PCDH9: variants seen among roughly 807,000 people sequenced by gnomAD.
PCDH9 encodes the protein protocadherin 9, also known as protocadherin-9.
In PCDH9, 24 loss-of-function variants were observed where a neutral mutation model predicts 70.6. That is an observed-to-expected ratio of 0.34 (90% confidence interval 0.25 to 0.48). The LOEUF is 0.48. PCDH9 is among the 20% of genes least tolerant of loss of function. The pLI, the probability that PCDH9 is intolerant of heterozygous loss-of-function variation, is 0.99. For missense variants in PCDH9, 1,281 were observed against 1,503.6 expected (o/e 0.85, Z 2.45); for synonymous variants, 562 against 558.5 (o/e 1.01, Z -0.09).
chr13:66,849,770 T>C (rs996083236), intron 3 of PCDH9, among the ~76,000 whole-genome samples: 2 of 152,104 alleles, frequency 1.3e-5, no homozygotes, highest in Admixed American at 6.5e-5. Context: ...AAGTCTCTGG[T>C]AATATAAGGA....
chr13:66,566,086 G>A (rs548927184), intron 4 of PCDH9, among the ~76,000 whole-genome samples: 48 of 152,262 alleles, frequency 3.2e-4, no homozygotes, highest in Non-Finnish European at 5.7e-4. Flanking sequence ...GGTGAAGCTA[G>A]GCCTGAGAGA....
chr13:66,724,662 T>G (rs1382643580), intron 3 of PCDH9, among the ~76,000 whole-genome samples: 1 of 152,094 alleles, frequency 6.6e-6, no homozygotes, highest in African/African-American at 2.4e-5. Context: ...CTCCCATCCC[T>G]CACCTTTCCA....
chr13:66,373,186 G>A (rs1956689065), intron 4 of PCDH9, among the ~76,000 whole-genome samples: 1 of 151,858 alleles, frequency 6.6e-6, no homozygotes, highest in Non-Finnish European at 1.5e-5. Context: ...ACACAAACCA[G>A]ATGAATAAAC....
chr13:66,439,883 A>G (rs141187931), intron 4 of PCDH9, among the ~76,000 whole-genome samples: 106 of 152,246 alleles, frequency 7.0e-4, no homozygotes, highest in African/African-American at 2.5e-3. Context: ...AGAGGAGTTA[A>G]TAAAGGGTTA....
intron 3 of PCDH9, among the ~76,000 whole-genome samples, chr13:66,674,110 C>A (rs1245322303): frequency 6.6e-6 from 1 of 151,898 alleles, no homozygotes; most frequent in East Asian, 1.9e-4. Context: ...GAATCTCCTT[C>A]AAATATCAGA....
intron 3 of PCDH9, among the ~76,000 whole-genome samples, chr13:66,777,642 A>C (rs1453232936): frequency 2.0e-5 from 3 of 152,160 alleles, no homozygotes; most frequent in Admixed American, 1.3e-4. Context: ...CAGGTGCTGG[A>C]GAGGATGTGG....
chr13:66,865,737 G>A (rs2081562629), intron 3 of PCDH9, among the ~76,000 whole-genome samples: 1 of 152,186 alleles, frequency 6.6e-6, no homozygotes, highest in Non-Finnish European at 1.5e-5. Flanking sequence ...TTCCAGTGTG[G>A]TAGAGATCAT....
chr13:66,626,399 G>A (rs988279116), intron 4 of PCDH9, among the ~76,000 whole-genome samples: 1 of 152,118 alleles, frequency 6.6e-6, no homozygotes, highest in African/African-American at 2.4e-5. Context: ...TAAACTCACT[G>A]AAACCTATTT....
chr13:66,392,021 A>T (rs946725784), intron 4 of PCDH9, among the ~76,000 whole-genome samples: 1 of 151,682 alleles, frequency 6.6e-6, no homozygotes, highest in Non-Finnish European at 1.5e-5. Context: ...ATACACACTC[A>T]TAGCCATCTC....
At chr13:66,975,628 A>T (rs2083604290) in intron 2 of PCDH9, among the ~76,000 whole-genome samples, 1 of 152,000 alleles carries the variant, frequency 6.6e-6, no homozygotes, top group African/African-American at 2.4e-5. Context: ...GGAACAGGGG[A>T]CAAGGAGACG....
At chr13:67,157,740 T>A (rs1000544198) in intron 2 of PCDH9, among the ~76,000 whole-genome samples, 6 of 152,214 alleles carry the variant, frequency 3.9e-5, no homozygotes, top group African/African-American at 1.4e-4. Flanking sequence ...AAATACTTAT[T>A]AAATATATTT....
chr13:67,155,723 A>G (rs1418059885), intron 2 of PCDH9, among the ~76,000 whole-genome samples: 1 of 152,066 alleles, frequency 6.6e-6, no homozygotes, highest in East Asian at 1.9e-4. Context: ...GAGGGGTAAA[A>G]CATTTGAGTC....
intron 2 of PCDH9, among the ~76,000 whole-genome samples, chr13:67,063,701 C>A (rs145639957): frequency 6.6e-6 from 1 of 152,202 alleles, no homozygotes; most frequent in Non-Finnish European, 1.5e-5. Flanking sequence ...TGATTTTATA[C>A]TTTATATAAC....
At chr13:66,658,634 C>T (rs1235455355) in intron 3 of PCDH9, among the ~76,000 whole-genome samples, 1 of 152,134 alleles carries the variant, frequency 6.6e-6, no homozygotes, top group Non-Finnish European at 1.5e-5. Context: ...TTTTCTTAAA[C>T]ATGTATCTAT....
intron 2 of PCDH9, among the ~76,000 whole-genome samples, chr13:67,065,555 A>G (rs952793168): frequency 6.6e-6 from 1 of 152,202 alleles, no homozygotes; most frequent in Non-Finnish European, 1.5e-5. Flanking sequence ...ATTCTATTAA[A>G]TACACCATAA....
intron 3 of PCDH9, among the ~76,000 whole-genome samples, chr13:66,759,442 C>G (rs1387666604): frequency 6.6e-6 from 1 of 152,000 alleles, no homozygotes; most frequent in Non-Finnish European, 1.5e-5. Context: ...TACATTCAGC[C>G]ACTCTTTGTT....
chr13:67,006,804 A>C (rs1365812265), intron 2 of PCDH9, among the ~76,000 whole-genome samples: 1 of 152,116 alleles, frequency 6.6e-6, no homozygotes, highest in East Asian at 1.9e-4. Flanking sequence ...TATAGTATTT[A>C]TTTCAATAAG....
intron 3 of PCDH9, among the ~76,000 whole-genome samples, chr13:66,843,996 T>C (rs904796982): frequency 2.0e-5 from 3 of 152,164 alleles, no homozygotes; most frequent in Non-Finnish European, 2.9e-5. Flanking sequence ...GTAGCAATAC[T>C]TCACTTTCTA....
chr13:66,362,314 T>C (rs1956484420), intron 4 of PCDH9, among the ~76,000 whole-genome samples: 1 of 152,192 alleles, frequency 6.6e-6, no homozygotes, highest in African/African-American at 2.4e-5. Flanking sequence ...GTCAAATTGT[T>C]GTTTCGTGTA....
Sources: gnomAD v4.1 joint callset for allele counts (sites outside exome capture counted in the v4.1 genomes callset) on GRCh38, gnomAD v4.1.1 for gene constraint, MANE v1.5 for transcripts, NCBI Gene and HGNC (gene_info 2026-07-23, HGNC 2026-07-21) for gene names.